NFASC: variants seen among roughly 807,000 people sequenced by gnomAD.
The protein encoded by NFASC is neurofascin homolog.
In NFASC, 43 loss-of-function variants were observed where a neutral mutation model predicts 147.5. The observed-to-expected ratio is 0.29, with a 90% CI of 0.23 to 0.38. The LOEUF is 0.38. Ranked by LOEUF, NFASC falls within the 10% of genes least tolerant of loss-of-function variation. The probability of loss-of-function intolerance (pLI) is 1.00; values close to 1 mark genes in which losing one functional copy is unlikely to be tolerated. For synonymous variants in NFASC, 622 were observed against 665.5 expected, an observed-to-expected ratio of 0.93 and a Z score of 1.01; for missense variants, 1,320 against 1,689.0, an observed-to-expected ratio of 0.78 and a Z score of 3.83.
chr1:205,016,794 G>T lies in NFASC; in HGVS notation c.*255G>T. 1 of 557,414 alleles carries T rather than the reference G, an allele frequency of 1.8e-6. No homozygotes were observed. Among genetic ancestry groups the T allele is most frequent in the Non-Finnish European group, 3.3e-6 (1 of 302,972 alleles). The allele number at this position is 557,414 out of a possible 1,614,324, so 34.5% of individuals were successfully genotyped here. A position where few individuals can be genotyped will look rare whatever the true frequency, so the allele number is the denominator to read the frequency against. ...GCTGAGCTCAGCTGGAGGGAGCCTG[G>T]CCCCTTGCCCGGTCTCGCAGCCACC... is the stretch of plus-strand genomic sequence containing the variant. On this transcript the variant is annotated 3_prime_UTR_variant, in exon 30 of 30. Coordinates refer to ENST00000339876, the MANE Select transcript of NFASC (RefSeq NM_001005388.3). This position sits in a 1 kb window ranked among gnomAD's most constrained non-coding sequence, Gnocchi z 5.1.
intron 23 of NFASC, 90 bp from the exon 24 acceptor site, chr1:204,991,202 T>A (rs2095724383): frequency 6.9e-7 from 1 of 1,454,886 alleles, no homozygotes; most frequent in East Asian, 2.4e-5. Context: ...CTGCTTTCCT[T>A]GTCCTGTGGT....
chr1:204,926,398 ATATATATATTTTTTTTTTTTTT>A (rs369225747), intron 2 of NFASC, among the ~76,000 whole-genome samples: 22,106 of 94,532 alleles, frequency 0.23, 2,380 homozygotes, highest in Non-Finnish European at 0.27. Context: ...ATATATATAT[ATATATATATTTTTTTTTTTTTT>A]TTTTTTTTTT....
At chr1:204,853,241 G>A (rs1354194521) in intron 1 of NFASC, among the ~76,000 whole-genome samples, 9 of 152,206 alleles carry the variant, frequency 5.9e-5, no homozygotes, top group Non-Finnish European at 1.0e-4. Context: ...ATTAGAAGTG[G>A]CTAGCCTAGA....
At chr1:204,891,584 T>C (rs1445059150) in intron 1 of NFASC, among the ~76,000 whole-genome samples, 1 of 152,132 alleles carries the variant, frequency 6.6e-6, no homozygotes, top group East Asian at 1.9e-4. Flanking sequence ...GCAGAGATAG[T>C]CACTACAGCG....
chr1:204,994,690 C>G (rs2095809232), intron 24 of NFASC, among the ~76,000 whole-genome samples: 1 of 152,326 alleles, frequency 6.6e-6, no homozygotes, highest in East Asian at 1.9e-4. Context: ...GAGTCTCGCT[C>G]TGTCGCCCAG....
intron 1 of NFASC, among the ~76,000 whole-genome samples, chr1:204,874,633 G>A (rs752380285): frequency 6.6e-6 from 1 of 152,196 alleles, no homozygotes. Flanking sequence ...GATCCTTCCC[G>A]CCTCTGCCGG....
rs372705177 is a variant in NFASC at position 205,016,821 on chromosome 1, C to T, written c.*282C>T. 55 of 508,332 alleles carry T rather than the reference C, an allele frequency of 1.1e-4. No individual in the cohort carries two copies. Among genetic ancestry groups the T allele is most frequent in the African/African-American group, 7.7e-4 (40 of 52,108 alleles). 31.5% of individuals were successfully genotyped at this position (508,332 alleles called of 1,614,324 possible). Reference sequence around the variant, plus strand: ...CCCTTGCCCGGTCTCGCAGCCACCCCGAGCGTTCCACCACACTGTCCGCCC... The same window carrying T: ...CCCTTGCCCGGTCTCGCAGCCACCCTGAGCGTTCCACCACACTGTCCGCCC... On this transcript the variant is annotated 3_prime_UTR_variant, in exon 30 of 30. Coordinates refer to ENST00000339876, the MANE Select transcript of NFASC (RefSeq NM_001005388.3). The surrounding 1 kb of genome is among the most constrained non-coding windows in gnomAD (Gnocchi z 5.1).
chr1:204,970,445 C>T (rs1157665728), intron 10 of NFASC, among the ~76,000 whole-genome samples, 171 bp from the exon 11 acceptor site: 1 of 152,218 alleles, frequency 6.6e-6, no homozygotes, highest in Non-Finnish European at 1.5e-5. Flanking sequence ...GCCAAGCCAG[C>T]CAGAAACAGG....
At chr1:204,920,211 T>G (rs929025727) in intron 1 of NFASC, among the ~76,000 whole-genome samples, 1 of 152,222 alleles carries the variant, frequency 6.6e-6, no homozygotes, top group Non-Finnish European at 1.5e-5. Flanking sequence ...CTTGGTTTGT[T>G]TATCTGTAGA....
chr1:204,923,497 A>G (rs1047413429), intron 2 of NFASC, among the ~76,000 whole-genome samples: 6 of 152,048 alleles, frequency 3.9e-5, no homozygotes, highest in African/African-American at 1.4e-4. Flanking sequence ...CCAGGCCTTC[A>G]ATTTCCCAAA....
intron 2 of NFASC, among the ~76,000 whole-genome samples, chr1:204,929,005 A>G (rs1021902488): frequency 2.0e-5 from 3 of 152,182 alleles, no homozygotes; most frequent in African/African-American, 7.2e-5. Context: ...CAGCTTAATA[A>G]TAGCCAAGAG....
intron 26 of NFASC, 84 bp from the exon 27 acceptor site, chr1:205,002,512 C>A (rs1292470224): frequency 1.7e-6 from 2 of 1,186,376 alleles, no homozygotes; most frequent in Non-Finnish European, 2.2e-6. Context: ...CACTTTCTAC[C>A]TTTGACAGGT....
At chr1:204,901,200 A>C (rs1224096251) in intron 1 of NFASC, among the ~76,000 whole-genome samples, 3 of 152,168 alleles carry the variant, frequency 2.0e-5, no homozygotes, top group Admixed American at 6.5e-5. Context: ...AGGCAGTTGG[A>C]TATGTGAAGC....
At chr1:204,965,015 T>C (rs2094872250) in intron 8 of NFASC, among the ~76,000 whole-genome samples, 1 of 152,220 alleles carries the variant, frequency 6.6e-6, no homozygotes. Flanking sequence ...GGACCCACTC[T>C]GAGCCACAGC....
intron 1 of NFASC, among the ~76,000 whole-genome samples, chr1:204,906,159 G>A (rs889335566): frequency 2.0e-5 from 3 of 152,026 alleles, no homozygotes; most frequent in Non-Finnish European, 4.4e-5. Flanking sequence ...TGTTTTCTAG[G>A]TTTTAACTTC....
At chr1:204,974,525 A>G in intron 13 of NFASC, 132 bp from the exon 14 acceptor site, 1 of 1,126,346 alleles carries the variant, frequency 8.9e-7, no homozygotes, top group Non-Finnish European at 1.3e-6. Context: ...AGACCCTCCG[A>G]GGCTCAGGGC....
chr1:204,848,163 G>A (rs2102625375), intron 1 of NFASC, among the ~76,000 whole-genome samples: 1 of 152,336 alleles, frequency 6.6e-6, no homozygotes, highest in South Asian at 2.1e-4. Context: ...AGCTGACACT[G>A]CCTCTTAGCA....
chr1:204,977,036 G>A, intron 16 of NFASC: 1 of 1,287,078 alleles, frequency 7.8e-7, no homozygotes, highest in Non-Finnish European at 9.8e-7. Flanking sequence ...AACTGAAAGG[G>A]GCCTGAGTGA....
At chr1:204,851,148 T>G (rs924022672) in intron 1 of NFASC, among the ~76,000 whole-genome samples, 3 of 152,186 alleles carry the variant, frequency 2.0e-5, no homozygotes, top group African/African-American at 4.8e-5. Context: ...AAAGCTTCTC[T>G]TTTTTAGAAG....
Sources: gnomAD v4.1 joint callset for allele counts (sites outside exome capture counted in the v4.1 genomes callset) on GRCh38, gnomAD v4.1.1 for gene constraint, Gnocchi (gnomAD v3.1) non-coding constraint, MANE v1.5 for transcripts, NCBI Gene and HGNC (gene_info 2026-07-23, HGNC 2026-07-21) for gene names.